Variants in CRYL1 observed in about 807,000 individuals in gnomAD.
CRYL1 encodes lambda-crystallin homolog.
A neutral mutation model predicts 36.6 loss-of-function variants in CRYL1; 29 were observed. The observed-to-expected ratio is 0.79, with a 90% confidence interval of 0.59 to 1.08. CRYL1 has a LOEUF of 1.08. Among genes scored for constraint, CRYL1 ranks in the 50% least tolerant of loss-of-function variants. The pLI, the probability that CRYL1 is intolerant of heterozygous loss-of-function variation, is 0.00. For missense variants in CRYL1, 411 were observed against 407.9 expected (o/e 1.01, Z -0.06); for synonymous variants, 152 against 151.5 (o/e 1.00, Z -0.02).
rs536639625 is a variant in CRYL1, at chr13:20,489,309, G to A, written c.276+61C>T. 3.3e-5 allele frequency: 53 copies of A among 1,599,914 alleles called. No homozygotes were observed. The East Asian group carries it at 6.7e-4, about 20-fold the overall frequency. On this transcript the variant is annotated intron_variant, in intron 3 of 7. Transcript: ENST00000298248. ...GCTCTGTATCCTGCCCTGTTCCTCC[G>A]GAGAGGCTGGGAGACAATGTCTCAG...
At chr13:20,453,178 A>G (rs1427658094) in intron 3 of CRYL1, among the ~76,000 whole-genome samples, 6 of 152,200 alleles carry the variant, frequency 3.9e-5, no homozygotes, top group African/African-American at 1.4e-4. Context: ...TTCACATGTA[A>G]TATTTACCAA....
intron 3 of CRYL1, among the ~76,000 whole-genome samples, chr13:20,472,182 A>G (rs2033075167): frequency 6.6e-6 from 1 of 152,048 alleles, no homozygotes; most frequent in Non-Finnish European, 1.5e-5. Flanking sequence ...TTTTTAAAAA[A>G]TGGCCTAGTA....
intron 4 of CRYL1, 69 bp from the exon 5 acceptor site, chr13:20,432,365 GAATGGT>G: frequency 5.2e-6 from 6 of 1,151,276 alleles, no homozygotes; most frequent in Non-Finnish European, 7.5e-6. Context: ...CACCCACCCT[GAATGGT>G]CAGGAGCAGC....
intron 3 of CRYL1, among the ~76,000 whole-genome samples, chr13:20,447,897 C>T (rs2137413512): frequency 6.6e-6 from 1 of 152,322 alleles, no homozygotes; most frequent in East Asian, 1.9e-4. Flanking sequence ...AGTATCTACT[C>T]TCCTATTCAG....
chr13:20,513,971 G>A (rs1449176755), intron 1 of CRYL1, among the ~76,000 whole-genome samples: 1 of 148,332 alleles, frequency 6.7e-6, no homozygotes, highest in African/African-American at 2.5e-5. Flanking sequence ...GCCCGATATA[G>A]GAGCTCCCAA....
intron 1 of CRYL1, among the ~76,000 whole-genome samples, chr13:20,518,346 G>T (rs61955515): frequency 0.16 from 24,771 of 152,108 alleles, 2,154 homozygotes; most frequent in African/African-American, 0.22. Context: ...CACTGGGAAG[G>T]TGACATTTTA....
chr13:20,523,471 A>G (rs946323126), intron 1 of CRYL1, among the ~76,000 whole-genome samples: 1 of 152,218 alleles, frequency 6.6e-6, no homozygotes, highest in Non-Finnish European at 1.5e-5. Flanking sequence ...CTGAAAACAC[A>G]ATATGCTCCT....
chr13:20,441,654 A>T (rs568511475), intron 3 of CRYL1, among the ~76,000 whole-genome samples: 10 of 152,364 alleles, frequency 6.6e-5, no homozygotes, highest in Admixed American at 1.3e-4. Context: ...TTCAATGCTG[A>T]AGTACTGCTA....
At chr13:20,434,948 T>C (rs1380115176) in intron 4 of CRYL1, among the ~76,000 whole-genome samples, 1 of 152,080 alleles carries the variant, frequency 6.6e-6, no homozygotes, top group Non-Finnish European at 1.5e-5. Flanking sequence ...ATGGGACTCC[T>C]GCTGGGGTCT....
At chr13:20,439,497 T>G in intron 4 of CRYL1, 96 bp downstream of exon 4, 2 of 1,015,756 alleles carry the variant, frequency 2.0e-6, no homozygotes, top group Non-Finnish European at 2.8e-6. Flanking sequence ...TCACAAGTTA[T>G]TGACCCCCCT....
intron 5 of CRYL1, among the ~76,000 whole-genome samples, chr13:20,423,531 C>T (rs2031865442): frequency 6.6e-6 from 1 of 152,118 alleles, no homozygotes; most frequent in African/African-American, 2.4e-5. Flanking sequence ...ATATGGTTGT[C>T]CTGTATTCTG....
intron 5 of CRYL1, among the ~76,000 whole-genome samples, chr13:20,418,128 G>T (rs2031715155): frequency 1.3e-5 from 2 of 152,176 alleles, no homozygotes; most frequent in African/African-American, 4.8e-5. Context: ...CAATGGACTG[G>T]ATTTAGCCCA....
At chr13:20,414,265 G>A (rs879892132) in intron 5 of CRYL1, among the ~76,000 whole-genome samples, 4 of 151,926 alleles carry the variant, frequency 2.6e-5, no homozygotes, top group Non-Finnish European at 4.4e-5. Flanking sequence ...TTGTGTGTGT[G>A]TGTGTGTGTG....
At chr13:20,470,886 G>A (rs1400495797) in intron 3 of CRYL1, among the ~76,000 whole-genome samples, 2 of 137,800 alleles carry the variant, frequency 1.5e-5, no homozygotes, top group African/African-American at 6.2e-5. Flanking sequence ...CTCCAGCCTG[G>A]GCAAAAAGAG....
chr13:20,430,398 G>A, intron 5 of CRYL1: 1 of 985,256 alleles, frequency 1.0e-6, no homozygotes, highest in Non-Finnish European at 1.2e-6. Flanking sequence ...ACTTTCTCAG[G>A]AGGTATGTCA....
At chr13:20,507,690 A>ATG (rs2033819928) in intron 2 of CRYL1, among the ~76,000 whole-genome samples, 4 of 151,988 alleles carry the variant, frequency 2.6e-5, no homozygotes, top group East Asian at 3.9e-4. Context: ...AGGCCAAGGC[A>ATG]GGCGGATCAC....
intron 3 of CRYL1, 107 bp downstream of exon 3, chr13:20,489,263 A>G: frequency 7.2e-7 from 1 of 1,397,426 alleles, no homozygotes; most frequent in Non-Finnish European, 9.7e-7. Context: ...TTGAAGATGC[A>G]AAATGCCCAC....
intron 5 of CRYL1, chr13:20,431,049 C>A (rs569681371): frequency 2.0e-5 from 20 of 985,464 alleles, no homozygotes; most frequent in Non-Finnish European, 2.3e-5. Context: ...GTGGCAAATG[C>A]ACCCGGCAGT....
chr13:20,460,690 T>C (rs1258689401), intron 3 of CRYL1, among the ~76,000 whole-genome samples: 1 of 151,996 alleles, frequency 6.6e-6, no homozygotes, highest in African/African-American at 2.4e-5. Flanking sequence ...TACGCCCGGC[T>C]AATTTTTTGT....
Sources: allele counts gnomAD v4.1 joint callset (sites outside exome capture counted in the v4.1 genomes callset), GRCh38; gene constraint gnomAD v4.1.1; transcripts MANE v1.5; gene names NCBI Gene and HGNC (gene_info 2026-07-23, HGNC 2026-07-21).